The following SFXN5 variants were observed in gnomAD, a reference collection of about 807,000 sequenced individuals.
SFXN5 encodes the protein sideroflexin-5.
A neutral mutation model predicts 50.2 loss-of-function variants in SFXN5; 43 were observed. The ratio of observed to expected loss-of-function variants is 0.86; its 90% CI spans 0.67 to 1.11. The LOEUF (loss-of-function observed/expected upper bound fraction) is 1.11. Among genes scored for constraint, SFXN5 ranks in the 50% least tolerant of loss-of-function variants. SFXN5 has a pLI of 0.00. For synonymous variants in SFXN5, 203 were observed against 185.8 expected (o/e 1.09, Z -0.75); for missense variants, 463 against 454.1 (o/e 1.02, Z -0.18).
At chr2:73,050,421 C>CACACACACACACA (rs1240561312) in intron 2 of SFXN5, among the ~76,000 whole-genome samples, 6 of 148,480 alleles carry the variant, frequency 4.0e-5, no homozygotes, top group South Asian at 2.1e-4. Flanking sequence ...CACACACACA[C>CACACACACACACA]CCCTGCAGAG....
Position 72,988,349 on chromosome 2 carries a change from C to T in SFXN5, c.535-1G>A. Reference sequence around the variant, plus strand: ...TCTGAACCAGGACATTAAGGCCCACCTTTGAAAGAAAAAAATAAAAACACA... The same window carrying T: ...TCTGAACCAGGACATTAAGGCCCACTTTTGAAAGAAAAAAATAAAAACACA... On this transcript the variant is annotated splice_acceptor_variant, in intron 9 of 13. Transcript: ENST00000272433. LOFTEE classifies it high-confidence loss of function. 6.2e-7 allele frequency: 1 copy of T among 1,613,282 alleles called. No individual in the cohort carries two copies. The highest frequency in any genetic ancestry group is 8.5e-7 in the Non-Finnish European group (1 of 1,179,594).
chr2:73,004,869 T>C (rs1258066596), intron 6 of SFXN5, among the ~76,000 whole-genome samples: 2 of 152,318 alleles, frequency 1.3e-5, no homozygotes, highest in East Asian at 1.9e-4. Flanking sequence ...TTTTATAACT[T>C]CCTTTTTTCT....
chr2:73,014,568 T>C (rs1338704469), intron 6 of SFXN5, among the ~76,000 whole-genome samples: 1 of 152,190 alleles, frequency 6.6e-6, no homozygotes, highest in Non-Finnish European at 1.5e-5. Context: ...CCTGTCAAGT[T>C]CCATAACAAA....
chr2:73,063,126 G>A (rs986431729), intron 1 of SFXN5, among the ~76,000 whole-genome samples: 4 of 152,194 alleles, frequency 2.6e-5, no homozygotes, highest in Non-Finnish European at 5.9e-5. Context: ...TACTGATTAA[G>A]TGGAAAGAAG....
At chr2:72,999,262 G>T (rs1673617844) in intron 8 of SFXN5, among the ~76,000 whole-genome samples, 1 of 152,178 alleles carries the variant, frequency 6.6e-6, no homozygotes, top group South Asian at 2.1e-4. Flanking sequence ...TTCTAGAAAG[G>T]TCACTGGCAG....
intron 5 of SFXN5, 133 bp from the exon 6 acceptor site, chr2:73,020,397 C>G: frequency 1.3e-6 from 1 of 776,778 alleles, no homozygotes; most frequent in Non-Finnish European, 2.1e-6. Flanking sequence ...AGGCGGGAGG[C>G]ATCTCCTATC....
chr2:72,979,475 A>G (rs768604136), intron 10 of SFXN5, among the ~76,000 whole-genome samples: 3 of 152,126 alleles, frequency 2.0e-5, no homozygotes, highest in Non-Finnish European at 4.4e-5. Context: ...CTCTACTAAA[A>G]ACACAAAAAT....
intron 13 of SFXN5, among the ~76,000 whole-genome samples, chr2:72,955,752 C>T (rs975074790): frequency 6.6e-6 from 1 of 152,198 alleles, no homozygotes; most frequent in Admixed American, 6.5e-5. Context: ...CCTCAGGGAA[C>T]CTGAGGCCCC....
chr2:72,993,325 T>C (rs187383049), intron 9 of SFXN5, among the ~76,000 whole-genome samples: 5 of 152,172 alleles, frequency 3.3e-5, no homozygotes, highest in African/African-American at 7.2e-5. Flanking sequence ...TGGAGGTCAA[T>C]TGTTCCCCAA....
chr2:72,986,174 A>C (rs1671898491), intron 10 of SFXN5, among the ~76,000 whole-genome samples: 4 of 152,206 alleles, frequency 2.6e-5, no homozygotes, highest in Admixed American at 1.3e-4. Context: ...AAATAGCTGA[A>C]AGTTCATTAA....
In SFXN5 at chr2:72,971,617, C is replaced by T. The variant is rs1669998639; in HGVS notation, c.694G>A (p.Asp232Asn). Residue 232 changes from aspartate to asparagine, a missense_variant, in exon 11 of 14, where the codon GAC becomes AAC. By Grantham distance (23) the Asp-to-Asn change is conservative. Transcript: ENST00000272433. ...GAGCCCACGAGGTTGCCATCGCTGT[C>T]CAGGACATCAATCCCTTCCTCCAGC... ...GELEEGIDVL[D>N]SDGNLVGSSK... is the part of the protein sequence containing the mutation. The T allele has an allele frequency of 1.2e-6, 2 of 1,614,116 alleles. No individual in the cohort carries two copies. Among genetic ancestry groups the T allele is most frequent in the Non-Finnish European group, 1.7e-6 (2 of 1,179,996 alleles).
intron 9 of SFXN5, among the ~76,000 whole-genome samples, chr2:72,994,104 G>A (rs1410527029): frequency 6.6e-6 from 1 of 152,118 alleles, no homozygotes; most frequent in East Asian, 1.9e-4. Context: ...ATGCCACAGG[G>A]GGTGCAGCAG....
At chr2:73,058,010 T>C (rs2106029239) in intron 2 of SFXN5, 1 of 152,688 alleles carries the variant, frequency 6.5e-6, no homozygotes, top group Non-Finnish European at 1.5e-5. Context: ...ACAACTGTGA[T>C]GGTGGACACA....
intron 10 of SFXN5, among the ~76,000 whole-genome samples, chr2:72,978,019 G>C (rs930413771): frequency 8.3e-6 from 1 of 120,002 alleles, no homozygotes; most frequent in African/African-American, 3.2e-5. Flanking sequence ...AAAAAAAAAA[G>C]AAACTCTAAC....
intron 6 of SFXN5, among the ~76,000 whole-genome samples, chr2:73,012,132 A>G (rs1488180418): frequency 6.6e-6 from 1 of 152,202 alleles, no homozygotes; most frequent in Non-Finnish European, 1.5e-5. Context: ...AACTCCACAA[A>G]ACAAAAAAAC....
chr2:73,055,512 A>T (rs1305619468), intron 2 of SFXN5, among the ~76,000 whole-genome samples: 3 of 152,018 alleles, frequency 2.0e-5, no homozygotes, highest in Admixed American at 6.5e-5. Context: ...TAAATATTTG[A>T]CATTTTAGGC....
At chr2:73,020,548 G>A (rs938405324) in intron 5 of SFXN5, among the ~76,000 whole-genome samples, 1 of 152,108 alleles carries the variant, frequency 6.6e-6, no homozygotes, top group Non-Finnish European at 1.5e-5. Flanking sequence ...CTGCGACCTG[G>A]GGCACCACCA....
At chr2:72,951,588 C>T (rs1185294138) in intron 13 of SFXN5, among the ~76,000 whole-genome samples, 2 of 152,132 alleles carry the variant, frequency 1.3e-5, no homozygotes, top group Non-Finnish European at 2.9e-5. Flanking sequence ...AGCTAAGGTG[C>T]GGAGACATAA....
At chr2:73,063,002 G>A (rs905190471) in intron 1 of SFXN5, among the ~76,000 whole-genome samples, 4 of 152,156 alleles carry the variant, frequency 2.6e-5, no homozygotes, top group South Asian at 2.1e-4. Context: ...CTAGGTCCTG[G>A]AGGTAGCAAG....
Sources: allele counts gnomAD v4.1 joint callset (sites outside exome capture counted in the v4.1 genomes callset), GRCh38; gene constraint gnomAD v4.1.1; transcripts MANE v1.5; gene names NCBI Gene and HGNC (gene_info 2026-07-23, HGNC 2026-07-21).